Variants in SORCS2 observed in about 807,000 individuals in gnomAD.
SORCS2 encodes the protein sortilin related VPS10 domain containing receptor 2.
Under a neutral mutation model 141.6 loss-of-function variants are expected in SORCS2, and 100 were observed. The ratio of observed to expected loss-of-function variants is 0.71; its 90% confidence interval spans 0.60 to 0.83. The LOEUF is 0.83. Among genes scored for constraint, SORCS2 ranks in the 40% least tolerant of loss-of-function variants. The probability of loss-of-function intolerance (pLI) is 0.00; values close to 1 mark genes in which losing one functional copy is unlikely to be tolerated. For missense variants in SORCS2, 1,646 were observed against 1,560.2 expected (o/e 1.05, Z -0.93); for synonymous variants, 789 against 676.9 (o/e 1.17, Z -2.57).
At position 7,233,206 on chromosome 4, in the gene SORCS2, G is replaced by A. The variant is rs1195184403; in HGVS notation, c.480+40080G>A. ...CAGCAGGAACGGCACGGCAGAGGGA[G>A]CCTTCCAGAGCAGGGGGAGGCGTCG... is the stretch of plus-strand genomic sequence containing the variant. On this transcript the variant is annotated intron_variant, in intron 1 of 26. Transcript: ENST00000507866. The surrounding 1 kb of genome is among the most constrained non-coding windows in gnomAD (Gnocchi z 4.5). 6.6e-6 allele frequency among the ~76,000 whole-genome samples: 1 copy of A among 152,174 alleles called. No individual in the cohort carries two copies. Among genetic ancestry groups the A allele is most frequent in the East Asian group, 1.9e-4 (1 of 5,188 alleles).
intron 2 of SORCS2, among the ~76,000 whole-genome samples, chr4:7,453,756 C>G (rs1728662173): frequency 8.6e-6 from 1 of 116,602 alleles, no homozygotes; most frequent in African/African-American, 3.5e-5. Flanking sequence ...GGGTCAGGAG[C>G]TGTGTGTTGG....
intron 1 of SORCS2, among the ~76,000 whole-genome samples, chr4:7,342,662 G>A (rs902161236): frequency 1.3e-5 from 2 of 152,130 alleles, no homozygotes; most frequent in African/African-American, 2.4e-5. Context: ...GCCCTGCAAA[G>A]CTTCCAGCAG....
At chr4:7,539,679 G>GCCCCCCGTT (rs1560368777) in intron 3 of SORCS2, among the ~76,000 whole-genome samples, 46 of 151,004 alleles carry the variant, frequency 3.0e-4, no homozygotes, top group Admixed American at 8.5e-4. Context: ...GCAAGGCCCC[G>GCCCCCCGTT]ACCCCCGTTA....
intron 1 of SORCS2, among the ~76,000 whole-genome samples, chr4:7,327,253 G>A (rs1016883967): frequency 1.3e-5 from 2 of 151,826 alleles, no homozygotes; most frequent in African/African-American, 2.4e-5. Flanking sequence ...CCTCCCAGGA[G>A]TCAGGAGGCT....
chr4:7,617,875 C>G (rs1186876198), intron 3 of SORCS2, among the ~76,000 whole-genome samples: 2 of 152,114 alleles, frequency 1.3e-5, no homozygotes, highest in South Asian at 4.1e-4. Context: ...CTACCGGTGC[C>G]GCCCCAGCTC....
chr4:7,537,092 G>A lies in SORCS2; in HGVS notation c.648+5463G>A, dbSNP rs77997246. On this transcript the variant is annotated intron_variant, in intron 3 of 26. Coordinates refer to ENST00000507866, the MANE Select transcript of SORCS2 (RefSeq NM_020777.3). ...AGCTGATGGGGCTCCCTGTGTCTGC[G>A]CAAGCACAGCCCGGCCCGCTTGGCT... 1.1e-4 allele frequency among the ~76,000 whole-genome samples: 16 copies of A among 152,342 alleles called. No homozygotes were observed. In the East Asian group the frequency reaches 2.9e-3, roughly 28 times the overall value.
At chr4:7,272,480 A>G (rs887075591) in intron 1 of SORCS2, among the ~76,000 whole-genome samples, 2 of 152,252 alleles carry the variant, frequency 1.3e-5, no homozygotes, top group African/African-American at 4.8e-5. Flanking sequence ...TATGTGCTAT[A>G]GCATGCCAGT....
intron 1 of SORCS2, among the ~76,000 whole-genome samples, chr4:7,305,897 A>T (rs746507156): frequency 1.3e-5 from 2 of 152,132 alleles, no homozygotes; most frequent in Non-Finnish European, 2.9e-5. Context: ...TCACTGGACA[A>T]ACACTTATGG....
At chr4:7,696,504 A>C (rs958951265) in intron 11 of SORCS2, among the ~76,000 whole-genome samples, 7 of 152,184 alleles carry the variant, frequency 4.6e-5, no homozygotes, top group African/African-American at 1.7e-4. Context: ...CCTCATCTGT[A>C]ACATGAGGTT....
intron 3 of SORCS2, among the ~76,000 whole-genome samples, chr4:7,539,922 C>A (rs1004599958): frequency 6.7e-6 from 1 of 150,068 alleles, no homozygotes; most frequent in African/African-American, 2.5e-5. Context: ...GGAGGCCCCA[C>A]CCCCTTCCTG....
intron 17 of SORCS2, 140 bp downstream of exon 17, chr4:7,715,451 A>T (rs1463657604): frequency 3.1e-6 from 4 of 1,275,036 alleles, no homozygotes; most frequent in Non-Finnish European, 4.3e-6. Flanking sequence ...AAAGTTGAGG[A>T]TGCCCCACGC....
At chr4:7,635,834 C>T (rs1251128571) in intron 3 of SORCS2, among the ~76,000 whole-genome samples, 1 of 152,172 alleles carries the variant, frequency 6.6e-6, no homozygotes, top group Non-Finnish European at 1.5e-5. Flanking sequence ...CATCTTTCTC[C>T]GTCAGGCCCT....
At chr4:7,618,887 C>T (rs1036271950) in intron 3 of SORCS2, among the ~76,000 whole-genome samples, 2 of 152,084 alleles carry the variant, frequency 1.3e-5, no homozygotes, top group African/African-American at 2.4e-5. Flanking sequence ...CTGGAAGTCT[C>T]GGGCGGGGGC....
chr4:7,664,533 G>A lies in SORCS2; in HGVS notation c.1071+62G>A, dbSNP rs561472977. 1.1e-3 allele frequency: 1,372 copies of A among 1,258,774 alleles called. 2 individuals carry two copies. Among genetic ancestry groups the A allele is most frequent in the Non-Finnish European group, 1.4e-3 (1,291 of 896,318 alleles). 78.0% of individuals were successfully genotyped at this position (1,258,774 alleles called of 1,614,324 possible). A position where few individuals can be genotyped will look rare whatever the true frequency, so the allele number is the denominator to read the frequency against. ...AGGTGACGTGGCGGATGACCCGTTC[G>A]CGGCAAAAATGGCATCGCTCAGAAA... On this transcript the variant is annotated intron_variant, in intron 7 of 26. Transcript: ENST00000507866. The surrounding 1 kb of genome is among the most constrained non-coding windows in gnomAD (Gnocchi z 4.7).
chr4:7,433,442 C>G (rs756203005), intron 2 of SORCS2: 18 of 1,537,736 alleles, frequency 1.2e-5, no homozygotes, highest in Non-Finnish European at 1.6e-5. Flanking sequence ...GCACACTGGT[C>G]GGTGCCCAGC....
chr4:7,486,949 A>C (rs1256948604), intron 2 of SORCS2, among the ~76,000 whole-genome samples: 1 of 152,240 alleles, frequency 6.6e-6, no homozygotes, highest in African/African-American at 2.4e-5. Context: ...TCTGATTGGG[A>C]TGTGGACAGG....
At chr4:7,436,165 G>A (rs141306388) in intron 2 of SORCS2, among the ~76,000 whole-genome samples, 1 of 152,368 alleles carries the variant, frequency 6.6e-6, no homozygotes, top group African/African-American at 2.4e-5. Context: ...GACAGTCTTA[G>A]GGAACAGGTG....
Position 7,697,382 on chromosome 4 carries a change from G to C in SORCS2, c.1668+108G>C, listed in dbSNP as rs1355162763. On this transcript the variant is annotated intron_variant, in intron 12 of 26. Coordinates refer to ENST00000507866, the MANE Select transcript of SORCS2 (RefSeq NM_020777.3). ...CCATTCCAGAGGCTCTGTGGGAGAA[G>C]CTCTGAGCCATGTCTCCCATCTTGC... 9 of 970,724 alleles carry C rather than the reference G, an allele frequency of 9.3e-6. No individual in the cohort carries two copies. In the East Asian group the frequency reaches 2.4e-4, roughly 26 times the overall value. The allele number at this position is 970,724 out of a possible 1,614,324, so 60.1% of individuals were successfully genotyped here.
intron 1 of SORCS2, among the ~76,000 whole-genome samples, chr4:7,382,816 A>C (rs1290076907): frequency 6.6e-6 from 1 of 152,096 alleles, no homozygotes; most frequent in Non-Finnish European, 1.5e-5. Context: ...CGGTGGGTGT[A>C]AACAGCTGCG....
Sources: gnomAD v4.1 joint callset for allele counts (sites outside exome capture counted in the v4.1 genomes callset) on GRCh38, gnomAD v4.1.1 for gene constraint, Gnocchi (gnomAD v3.1) non-coding constraint, MANE v1.5 for transcripts, NCBI Gene and HGNC (gene_info 2026-07-23, HGNC 2026-07-21) for gene names.